The following CSGALNACT1 variants were observed in gnomAD, a reference collection of about 807,000 sequenced individuals.
CSGALNACT1 encodes beta4GalNAcT-1.
Under a neutral mutation model 51.0 loss-of-function variants are expected in CSGALNACT1, and 52 were observed. That is an observed-to-expected ratio of 1.02 (90% CI 0.82 to 1.29). CSGALNACT1 has a LOEUF of 1.29. Ranked by LOEUF, CSGALNACT1 falls within the 50% of genes most tolerant of loss-of-function variation. CSGALNACT1 has a pLI of 0.00. For synonymous variants in CSGALNACT1, 341 were observed against 254.4 expected (o/e 1.34, Z -3.24); for missense variants, 935 against 679.2 (o/e 1.38, Z -4.19).
At chr8:19,651,794 T>C (rs540055974) in intron 1 of CSGALNACT1, among the ~76,000 whole-genome samples, 1 of 152,376 alleles carries the variant, frequency 6.6e-6, no homozygotes, top group Admixed American at 6.5e-5. Flanking sequence ...ATGAGATTAC[T>C]GGGTTAAATA....
intron 1 of CSGALNACT1, among the ~76,000 whole-genome samples, chr8:19,638,950 C>T (rs1467399720): frequency 6.6e-6 from 1 of 151,992 alleles, no homozygotes; most frequent in Admixed American, 6.6e-5. Flanking sequence ...TTGCAAAAGG[C>T]TTTTACTACT....
In CSGALNACT1 at chr8:19,519,114, C is replaced by T. The variant is rs571896143; in HGVS notation, c.-296-12984G>A. ...CCAAGAACAAACATTATGGAAAGCC[C>T]AATTCATTAAAAGATACAGGTAAAA... On this transcript the variant is annotated intron_variant, in intron 3 of 9. Coordinates refer to ENST00000454498, the Ensembl canonical transcript of CSGALNACT1. Among the ~76,000 whole-genome samples, 6 of 152,158 alleles carry T rather than the reference C, an allele frequency of 3.9e-5. No homozygotes were observed. The East Asian group carries it at 1.2e-3, about 29-fold the overall frequency.
chr8:19,502,777 TCCATTC>T (rs2076637240), intron 4 of CSGALNACT1, among the ~76,000 whole-genome samples: 1 of 152,202 alleles, frequency 6.6e-6, no homozygotes, highest in South Asian at 2.1e-4. Flanking sequence ...ACCAGACCTT[TCCATTC>T]CCTTCTTTCT....
chr8:19,570,031 A>C lies in CSGALNACT1; in HGVS notation c.-297+21129T>G, dbSNP rs369380062. Among the ~76,000 whole-genome samples, 29 of 152,246 alleles carry C rather than the reference A, an allele frequency of 1.9e-4. No homozygotes were observed. The East Asian group carries it at 5.6e-3, about 29-fold the overall frequency. On this transcript the variant is annotated intron_variant, in intron 3 of 9. Coordinates refer to ENST00000454498, the Ensembl canonical transcript of CSGALNACT1. ...AGATGTCTGATTAGATTAGAGGTCC[A>C]AATAGTGGCACGCTTTGGGGCAGGG...
chr8:19,519,797 G>T (rs1046827643), intron 3 of CSGALNACT1, among the ~76,000 whole-genome samples: 1 of 152,160 alleles, frequency 6.6e-6, no homozygotes, highest in Non-Finnish European at 1.5e-5. Context: ...CCCAGGGGTG[G>T]CATTCTGGTC....
intron 3 of CSGALNACT1, among the ~76,000 whole-genome samples, chr8:19,532,183 AC>A (rs1376586018): frequency 1.3e-5 from 2 of 151,366 alleles, no homozygotes; most frequent in Non-Finnish European, 2.9e-5. Context: ...AAAAAAAAAA[AC>A]ATGTTTGTTT....
At chr8:19,407,905 TTGTGTGTGTGTGTGTG>T (rs60746708) in intron 9 of CSGALNACT1, among the ~76,000 whole-genome samples, 24,428 of 112,668 alleles carry the variant, frequency 0.22, 5,172 homozygotes, top group East Asian at 0.63. Context: ...TGTATATGAA[TTGTGTGTGTGTGTGTG>T]TGTGTGTGTG....
chr8:19,671,243 G>C (rs1021340486), intron 1 of CSGALNACT1, among the ~76,000 whole-genome samples: 2 of 152,164 alleles, frequency 1.3e-5, no homozygotes, highest in Admixed American at 6.5e-5. Flanking sequence ...GACCCTGAAG[G>C]TTCTAAGATG....
At chr8:19,647,265 C>T (rs1201164840) in intron 1 of CSGALNACT1, among the ~76,000 whole-genome samples, 1 of 152,086 alleles carries the variant, frequency 6.6e-6, no homozygotes, top group Non-Finnish European at 1.5e-5. Flanking sequence ...AAAATGGCTA[C>T]ACGAGGCTAC....
chr8:19,436,727 G>A (rs192354627), intron 6 of CSGALNACT1, among the ~76,000 whole-genome samples: 100 of 152,082 alleles, frequency 6.6e-4, no homozygotes, highest in Non-Finnish European at 1.2e-3. Context: ...GGAAACATAG[G>A]GAGACACTGG....
intron 3 of CSGALNACT1, among the ~76,000 whole-genome samples, chr8:19,507,684 G>A (rs1334921758): frequency 2.0e-5 from 3 of 152,140 alleles, no homozygotes; most frequent in Non-Finnish European, 4.4e-5. Flanking sequence ...CTGGAATGCA[G>A]TGGCGCGATC....
At chr8:19,599,992 A>G (rs1249008125) in intron 2 of CSGALNACT1, among the ~76,000 whole-genome samples, 1 of 152,232 alleles carries the variant, frequency 6.6e-6, no homozygotes, top group Non-Finnish European at 1.5e-5. Context: ...TAAGTTGTGC[A>G]GTAGGGATAG....
At chr8:19,663,514 T>C (rs1483337035) in intron 1 of CSGALNACT1, among the ~76,000 whole-genome samples, 1 of 152,196 alleles carries the variant, frequency 6.6e-6, no homozygotes, top group African/African-American at 2.4e-5. Context: ...AGCAACTCTG[T>C]TCCAAAGAGC....
intron 5 of CSGALNACT1, among the ~76,000 whole-genome samples, chr8:19,440,653 G>A (rs2061170871): frequency 6.6e-6 from 1 of 152,016 alleles, no homozygotes; most frequent in Admixed American, 6.6e-5. Flanking sequence ...TTTGAAAACT[G>A]GCACAAGACA....
intron 1 of CSGALNACT1, among the ~76,000 whole-genome samples, chr8:19,729,302 T>C (rs1436212508): frequency 2.0e-5 from 3 of 152,224 alleles, no homozygotes; most frequent in Non-Finnish European, 4.4e-5. Context: ...GCTTGCTTAC[T>C]TGTTAAGTGA....
chr8:19,581,861 A>G (rs887309613), intron 3 of CSGALNACT1, among the ~76,000 whole-genome samples: 5 of 152,190 alleles, frequency 3.3e-5, no homozygotes, highest in African/African-American at 4.8e-5. Context: ...TGTTGTAGGT[A>G]TTTTTAAATG....
At chr8:19,521,265 C>G (rs1262409463) in intron 3 of CSGALNACT1, among the ~76,000 whole-genome samples, 1 of 152,008 alleles carries the variant, frequency 6.6e-6, no homozygotes, top group African/African-American at 2.4e-5. Context: ...ACTGGGGACA[C>G]TAGATATGAG....
chr8:19,725,961 G>C (rs1167421082), intron 1 of CSGALNACT1, among the ~76,000 whole-genome samples: 2 of 152,052 alleles, frequency 1.3e-5, no homozygotes, highest in Non-Finnish European at 2.9e-5. Context: ...CTATGGGTCT[G>C]GACAAATGTA....
At chr8:19,505,741 A>G in exon 4 of CSGALNACT1, 3 of 1,614,174 alleles carry the variant, frequency 1.9e-6, no homozygotes, top group Non-Finnish European at 1.7e-6. Context: ...GTGCAGGCCA[A>G]CATGTACAGG....
Sources: gnomAD v4.1 joint callset for allele counts (sites outside exome capture counted in the v4.1 genomes callset) on GRCh38, gnomAD v4.1.1 for gene constraint, MANE v1.5 for transcripts, NCBI Gene and HGNC (gene_info 2026-07-23, HGNC 2026-07-21) for gene names.